The following MSRA variants were observed in gnomAD, a reference collection of about 807,000 sequenced individuals.
MSRA encodes mitochondrial peptide methionine sulfoxide reductase.
A neutral mutation model predicts 31.3 loss-of-function variants in MSRA; 54 were observed. That is an observed-to-expected ratio of 1.73 (90% CI 1.39 to 2.17). The LOEUF (loss-of-function observed/expected upper bound fraction) is 2.17, where lower values mean the gene tolerates loss of function less well. Ranked by LOEUF, MSRA falls within the 30% of genes most tolerant of loss-of-function variation. The pLI, the probability that MSRA is intolerant of heterozygous loss-of-function variation, is 0.00. For synonymous variants in MSRA, 169 were observed against 116.5 expected (o/e 1.45, Z -2.90); for missense variants, 507 against 300.9 (o/e 1.69, Z -5.07).
At chr8:10,134,675 G>T (rs944012572) in intron 1 of MSRA, among the ~76,000 whole-genome samples, 2 of 152,228 alleles carry the variant, frequency 1.3e-5, no homozygotes, top group African/African-American at 2.4e-5. Context: ...CGGAAGCCTG[G>T]TGGTGACAGG....
chr8:10,367,489 G>A (rs1346634156), intron 5 of MSRA, among the ~76,000 whole-genome samples: 3 of 152,168 alleles, frequency 2.0e-5, no homozygotes, highest in Non-Finnish European at 2.9e-5. Flanking sequence ...TGGATAAGGA[G>A]GGCTTCCGTA....
At chr8:10,113,292 C>G (rs71509164) in intron 1 of MSRA, among the ~76,000 whole-genome samples, 1 of 57,596 alleles carries the variant, frequency 1.7e-5, no homozygotes, top group Non-Finnish European at 2.9e-5. Context: ...GACAGGTCTT[C>G]TTTTTTTTTT....
At chr8:10,334,094 G>T (rs967172077) in intron 5 of MSRA, among the ~76,000 whole-genome samples, 3 of 151,436 alleles carry the variant, frequency 2.0e-5, no homozygotes, top group Non-Finnish European at 4.4e-5. Flanking sequence ...AGGAAAAAAG[G>T]CCCCAGCGCC....
At chr8:10,192,040 G>T (rs1242592329) in intron 1 of MSRA, among the ~76,000 whole-genome samples, 1 of 152,164 alleles carries the variant, frequency 6.6e-6, no homozygotes, top group East Asian at 1.9e-4. Context: ...CTGTTGGCAA[G>T]CCTCCGTTTC....
chr8:10,311,383 C>G (rs866524630), intron 4 of MSRA, among the ~76,000 whole-genome samples: 2 of 152,214 alleles, frequency 1.3e-5, no homozygotes, highest in Middle Eastern at 3.4e-3. Context: ...AAAATGCGAG[C>G]TTTGAGAGCC....
chr8:10,091,661 C>A (rs140394227), intron 1 of MSRA, among the ~76,000 whole-genome samples: 36 of 149,140 alleles, frequency 2.4e-4, no homozygotes, highest in African/African-American at 8.9e-4. Context: ...GGCTGGAGTG[C>A]AATGGTGCGA....
At chr8:10,243,546 A>G (rs945035417) in intron 2 of MSRA, among the ~76,000 whole-genome samples, 34 of 152,286 alleles carry the variant, frequency 2.2e-4, no homozygotes, top group African/African-American at 7.2e-4. Context: ...TAACATAAGC[A>G]TAAGCAGATT....
intron 1 of MSRA, among the ~76,000 whole-genome samples, chr8:10,150,455 C>T (rs76740136): frequency 0.025 from 3,746 of 152,114 alleles, 146 homozygotes; most frequent in African/African-American, 0.084. Flanking sequence ...ACATCATCCC[C>T]GAACAAATTA....
rs377086036 is a variant in MSRA at position 10,342,744 on chromosome 8, G to A, written c.543+22755G>A. 2.7e-4 allele frequency among the ~76,000 whole-genome samples: 41 copies of A among 152,274 alleles called. 1 individual carries two copies. In the South Asian group the frequency reaches 7.7e-3, roughly 29 times the overall value. ...AGCAATGCTCCCAAGCTCACACAGC[G>A]TGGGTGCCAAGCTCAGTTAATAACC... On this transcript the variant is annotated intron_variant, in intron 5 of 5. Transcript: ENST00000317173.
At chr8:10,373,386 G>C (rs1805583697) in intron 5 of MSRA, among the ~76,000 whole-genome samples, 1 of 152,348 alleles carries the variant, frequency 6.6e-6, no homozygotes, top group South Asian at 2.1e-4. Flanking sequence ...TTAGAGACAG[G>C]GTCTTGCTGT....
At chr8:10,217,711 A>C (rs1045958116) in intron 2 of MSRA, among the ~76,000 whole-genome samples, 8 of 152,130 alleles carry the variant, frequency 5.3e-5, no homozygotes, top group Non-Finnish European at 1.2e-4. Context: ...CTCATCCATG[A>C]ATATTTTGGT....
intron 4 of MSRA, among the ~76,000 whole-genome samples, chr8:10,309,049 T>A (rs1251286409): frequency 6.6e-6 from 1 of 152,242 alleles, no homozygotes; most frequent in African/African-American, 2.4e-5. Flanking sequence ...GCTGAAGATA[T>A]CGTCCTCAGA....
chr8:10,411,808 T>C (rs1222546619), intron 5 of MSRA, among the ~76,000 whole-genome samples: 14 of 152,274 alleles, frequency 9.2e-5, no homozygotes. Flanking sequence ...TGTTGAAAGT[T>C]AATTTTCTCT....
intron 1 of MSRA, among the ~76,000 whole-genome samples, chr8:10,162,904 A>G (rs1027041323): frequency 6.6e-6 from 1 of 152,146 alleles, no homozygotes; most frequent in Non-Finnish European, 1.5e-5. Context: ...GGGTTCACGG[A>G]ATATCATGGG....
intron 4 of MSRA, among the ~76,000 whole-genome samples, chr8:10,317,749 AG>A (rs1269241608): frequency 6.6e-6 from 1 of 152,128 alleles, no homozygotes; most frequent in Non-Finnish European, 1.5e-5. Context: ...TTTTCCTCAT[AG>A]TTTTTCAAAA....
intron 1 of MSRA, among the ~76,000 whole-genome samples, chr8:10,140,162 G>A (rs1417351263): frequency 6.6e-6 from 1 of 152,310 alleles, no homozygotes; most frequent in Non-Finnish European, 1.5e-5. Context: ...AGCTAATGGT[G>A]ATAAACAGAG....
At chr8:10,396,198 A>T (rs1807087688) in intron 5 of MSRA, among the ~76,000 whole-genome samples, 2 of 152,132 alleles carry the variant, frequency 1.3e-5, no homozygotes, top group South Asian at 2.1e-4. Flanking sequence ...TGTCCTTGGT[A>T]CAAGGCCAGG....
intron 1 of MSRA, among the ~76,000 whole-genome samples, chr8:10,153,167 C>A (rs1225350008): frequency 6.6e-6 from 1 of 152,140 alleles, no homozygotes; most frequent in Non-Finnish European, 1.5e-5. Flanking sequence ...AGGTGTCTTT[C>A]ACCACAATTA....
intron 2 of MSRA, among the ~76,000 whole-genome samples, chr8:10,213,884 A>G (rs1809745509): frequency 1.3e-5 from 2 of 152,110 alleles, no homozygotes; most frequent in South Asian, 4.1e-4. Flanking sequence ...AACCCGTACC[A>G]TTTGGGAACT....
Sources: allele counts gnomAD v4.1 joint callset (sites outside exome capture counted in the v4.1 genomes callset), GRCh38; gene constraint gnomAD v4.1.1; transcripts MANE v1.5; gene names NCBI Gene and HGNC (gene_info 2026-07-23, HGNC 2026-07-21).